The following LMNB2 variants were observed in gnomAD, a reference collection of about 807,000 sequenced individuals.
LMNB2 encodes lamin B2, also known as lamin-B2.
A neutral mutation model predicts 69.3 loss-of-function variants in LMNB2; 17 were observed. The ratio of observed to expected loss-of-function variants is 0.25; its 90% confidence interval spans 0.17 to 0.37. LMNB2 has a LOEUF of 0.37. Among genes scored for constraint, LMNB2 ranks in the 10% least tolerant of loss-of-function variants. LMNB2 has a pLI of 1.00. For synonymous variants in LMNB2, 397 were observed against 389.3 expected (o/e 1.02, Z -0.23); for missense variants, 789 against 883.6 (o/e 0.89, Z 1.36).
In LMNB2 at chr19:2,430,542, G is replaced by A. The variant is rs551748581; in HGVS notation, c.*369C>T. ...AAACCCACCACCACTGAATTCCTAC[G>A]CAGTTTCCGCGCTCCGTCCGCAGCA... On this transcript the variant is annotated 3_prime_UTR_variant, in exon 12 of 12. Transcript: ENST00000325327. 9 of 360,244 alleles carry A rather than the reference G, an allele frequency of 2.5e-5. No individual in the cohort carries two copies. The highest frequency in any genetic ancestry group is 6.7e-5 in the East Asian group (1 of 14,850). The allele number at this position is 360,244 out of a possible 1,614,324, so 22.3% of individuals were successfully genotyped here. A position where few individuals can be genotyped will look rare whatever the true frequency, so the allele number is the denominator to read the frequency against.
intron 2 of LMNB2, 50 bp from the exon 3 acceptor site, chr19:2,438,581 C>T (rs1273783905): frequency 1.3e-6 from 2 of 1,590,240 alleles, no homozygotes; most frequent in East Asian, 4.5e-5. Context: ...TCCATGGGGC[C>T]ACAGGGAGCA....
At chr19:2,444,860 C>T (rs190671485) in intron 1 of LMNB2, among the ~76,000 whole-genome samples, 5 of 152,326 alleles carry the variant, frequency 3.3e-5, no homozygotes, top group Non-Finnish European at 5.9e-5. Context: ...AGAACAGCGG[C>T]GCCCAGTGCT....
Position 2,435,008 on chromosome 19 carries a change from T to C in LMNB2, c.848A>G (p.Gln283Arg). The C allele has an allele frequency of 1.3e-6, 2 of 1,521,430 alleles. No homozygotes were observed. The highest frequency in any genetic ancestry group is 1.8e-6 in the Non-Finnish European group (2 of 1,123,974). 94.2% of individuals were successfully genotyped at this position (1,521,430 alleles called of 1,614,324 possible). The change falls in exon 5 of 12, where the codon CAG (glutamine) becomes CGG (arginine). Residue 283 changes from glutamine (Q) to arginine (R), a missense_variant. By Grantham distance (43) the Gln-to-Arg change is conservative. This residue lies in a region of LMNB2 where 609 missense variants were observed against 630.9 expected (regional missense o/e 0.97). Coordinates refer to ENST00000325327, the MANE Select transcript of LMNB2 (RefSeq NM_032737.4). ...CCCGCCTGCCGGCCACACCTTGGCC[T>C]GGTAGGTCTGCTCCAGCTCCAGCTT... ...LYKLELEQTY[Q>R]AKLDSAKLSS...
chr19:2,436,603 ACCCACCTGCACTGCCGCCCT>A (rs1181231561), intron 4 of LMNB2, among the ~76,000 whole-genome samples: 1 of 116,016 alleles, frequency 8.6e-6, no homozygotes, highest in Non-Finnish European at 1.8e-5. Flanking sequence ...ACGGCCGCTC[ACCCACCTGCACTGCCGCCCT>A]CCCACCCCCA....
intron 4 of LMNB2, chr19:2,436,938 GTTCCT>G (rs1971833694): frequency 6.6e-6 from 1 of 152,336 alleles, no homozygotes; most frequent in African/African-American, 2.4e-5. Flanking sequence ...CCTGGGGCAC[GTTCCT>G]GGGCCCCCGC....
chr19:2,444,680 G>A (rs991865227), intron 1 of LMNB2, 140 bp from the exon 2 acceptor site: 3 of 1,123,658 alleles, frequency 2.7e-6, no homozygotes, highest in Non-Finnish European at 3.9e-6. Context: ...GGGGACACTG[G>A]GACACCCTGT....
chr19:2,434,837 C>T lies in LMNB2; in HGVS notation c.932G>A (p.Arg311His), dbSNP rs1372849024. The part of the protein sequence containing the change: ...SAAREELKEA[R>H]MRLESLSYQL... The stretch of plus-strand genomic sequence containing the variant: ...GTAGCTGAGGGACTCCAGGCGCATG[C>T]GGGCCTCCTTCAGCTCCTCGCGAGC... Residue 311 changes from arginine (R) to histidine (H), a missense_variant, in exon 6 of 12, where the codon CGC (arginine) becomes CAC (histidine). Arg to His is a conservative substitution (Grantham distance 29). Transcript: ENST00000325327. The T allele has an allele frequency of 2.4e-5, 38 of 1,608,536 alleles. No homozygotes were observed. The highest frequency in any genetic ancestry group is 3.1e-5 in the Non-Finnish European group (36 of 1,179,126).
In LMNB2 at chr19:2,430,949, C is replaced by T. The variant is rs768698595; in HGVS notation, c.1825G>A (p.Asp609Asn). Reference sequence around the variant, plus strand: ...CAGCCTCTTGAGGTGGTCCTCGGGTCCCCCTGCAGGAAGGAAGGAAGGAAG... The same window carrying T: ...CAGCCTCTTGAGGTGGTCCTCGGGTTCCCCTGCAGGAAGGAAGGAAGGAAG... ...GEEDLFHQQG[D>N]PRTTSRGCYV... The change falls in exon 12 of 12, where the codon GAC (aspartate) becomes AAC (asparagine). Residue 609 changes from aspartate (D) to asparagine (N), a missense_variant. Physicochemically the swap from Asp to Asn is conservative, Grantham distance 23. Around this residue, in one of 3 missense-constraint regions of LMNB2, gnomAD observed 609 missense variants for 630.9 expected, o/e 0.97. Coordinates refer to ENST00000325327, the MANE Select transcript of LMNB2 (RefSeq NM_032737.4). 1.2e-6 allele frequency: 2 copies of T among 1,609,038 alleles called. No homozygotes were observed. Among genetic ancestry groups the T allele is most frequent in the South Asian group, 1.1e-5 (1 of 90,944 alleles).
chr19:2,441,360 C>T (rs962656657), intron 2 of LMNB2, among the ~76,000 whole-genome samples: 24 of 152,216 alleles, frequency 1.6e-4, no homozygotes, highest in African/African-American at 5.3e-4. Context: ...TTTTGAGAGG[C>T]GTGAAGGCCA....
At chr19:2,446,753 C>T (rs1467898308) in intron 1 of LMNB2, among the ~76,000 whole-genome samples, 4 of 152,144 alleles carry the variant, frequency 2.6e-5, no homozygotes, top group African/African-American at 9.7e-5. Flanking sequence ...TCCAGGGGCT[C>T]CCCCAAGAGT....
chr19:2,430,877 G>C lies in LMNB2; in HGVS notation c.*34C>G. 1 of 1,397,820 alleles carries C rather than the reference G, an allele frequency of 7.2e-7. No homozygotes were observed. The highest frequency in any genetic ancestry group is 1.0e-6 in the Non-Finnish European group (1 of 982,594). The allele number at this position is 1,397,820 out of a possible 1,614,324, so 86.6% of individuals were successfully genotyped here. A position where few individuals can be genotyped will look rare whatever the true frequency, so the allele number is the denominator to read the frequency against. ...ATAAAAATAGTTTTCAGTGGCTCTG[G>C]GTAAAGAAAGGTGTGTGGATGAGGA... On this transcript the variant is annotated 3_prime_UTR_variant, in exon 12 of 12. Transcript: ENST00000325327.
intron 2 of LMNB2, among the ~76,000 whole-genome samples, chr19:2,441,080 A>T (rs1168794457): frequency 2.6e-5 from 4 of 152,252 alleles, no homozygotes; most frequent in Non-Finnish European, 5.9e-5. Flanking sequence ...TGCCAGAGCG[A>T]TGGTCGGACA....
rs1287585926 is a variant in LMNB2, at chr19:2,434,410, T to C, written c.1087A>G (p.Met363Val). The C allele has an allele frequency of 6.2e-7, 1 of 1,613,292 alleles. No homozygotes were observed. Among genetic ancestry groups the C allele is most frequent in the Non-Finnish European group, 8.5e-7 (1 of 1,179,998 alleles). The change falls in exon 7 of 12, where the codon ATG (methionine) becomes GTG (valine). Residue 363 changes from methionine (M) to valine (V), a missense_variant. By Grantham distance (21) the Met-to-Val change is conservative. Around this residue, in one of 3 missense-constraint regions of LMNB2, gnomAD observed 609 missense variants for 630.9 expected, o/e 0.97. Transcript: ENST00000325327. ...AGCTGCTGCTGCATCACGTCCCGCA[T>C]CTCCGTCATCTCCTGCTCCTTGGCG... ...LDAKEQEMTEMRDVMQQQLAE... is the reference protein window; with the variant it reads ...LDAKEQEMTEVRDVMQQQLAE...
rs959544732 is a variant in LMNB2 at position 2,443,778 on chromosome 19, G to A, written c.401+626C>T. On this transcript the variant is annotated intron_variant, in intron 2 of 11. Transcript: ENST00000325327. The surrounding 1 kb of genome is among the most constrained non-coding windows in gnomAD (Gnocchi z 6.2). ...AATAAATATTCCTTTTGTCATCATC[G>A]TTCTGTTTAAATTGCCGCCCAACCA... 3.9e-5 allele frequency among the ~76,000 whole-genome samples: 6 copies of A among 152,124 alleles called. No individual in the cohort carries two copies. The highest frequency in any genetic ancestry group is 2.6e-4 in the Admixed American group (4 of 15,272).
intron 1 of LMNB2, among the ~76,000 whole-genome samples, chr19:2,450,121 C>CACATATATATATAT (rs1555684456): frequency 2.1e-5 from 3 of 142,366 alleles, no homozygotes; most frequent in African/African-American, 7.9e-5. Context: ...TATATATACA[C>CACATATATATATAT]ATATATATAT....
At chr19:2,456,048 C>T (rs1419049740) in intron 1 of LMNB2, among the ~76,000 whole-genome samples, 1 of 148,928 alleles carries the variant, frequency 6.7e-6, no homozygotes, top group Non-Finnish European at 1.5e-5. Context: ...AGGAGCCCCC[C>T]GCAAACCCCC....
At chr19:2,444,667 C>T in intron 1 of LMNB2, 127 bp from the exon 2 acceptor site, 1 of 1,235,618 alleles carries the variant, frequency 8.1e-7, no homozygotes, top group Non-Finnish European at 1.2e-6. Flanking sequence ...AGGATGGCAG[C>T]CTGGGGACAC....
chr19:2,456,911 C>T lies in LMNB2; in HGVS notation c.23G>A (p.Arg8His), dbSNP rs942561547. 10 of 1,002,576 alleles carry T rather than the reference C, an allele frequency of 1.0e-5. No homozygotes were observed. Among genetic ancestry groups the T allele is most frequent in the African/African-American group, 3.5e-5 (2 of 56,934 alleles). The allele number at this position is 1,002,576 out of a possible 1,614,324, so 62.1% of individuals were successfully genotyped here. A position where few individuals can be genotyped will look rare whatever the true frequency, so the allele number is the denominator to read the frequency against. ...TCGCGGCCTGCGCTGCTCCCGACGG[C>T]GGCCCGGGCTCGGCGGGCTCATTCA... is the stretch of plus-strand genomic sequence containing the variant. MSPPSPG[R>H]RREQRRPRAA... Residue 8 changes from arginine (R) to histidine (H), a missense_variant, in exon 1 of 12, where the codon CGC (arginine) becomes CAC (histidine). Transcript: ENST00000325327.
At position 2,430,541 on chromosome 19, in the gene LMNB2, C is replaced by T. The variant is rs1439069869; in HGVS notation, c.*370G>A. 3.0e-5 allele frequency: 11 copies of T among 361,808 alleles called. No individual in the cohort carries two copies. The highest frequency in any genetic ancestry group is 4.7e-5 in the South Asian group (2 of 42,156). The allele number at this position is 361,808 out of a possible 1,614,324, so 22.4% of individuals were successfully genotyped here. On this transcript the variant is annotated 3_prime_UTR_variant, in exon 12 of 12. Transcript: ENST00000325327. ...AAAACCCACCACCACTGAATTCCTA[C>T]GCAGTTTCCGCGCTCCGTCCGCAGC...
Sources: gnomAD v4.1 joint callset for allele counts (sites outside exome capture counted in the v4.1 genomes callset) on GRCh38, gnomAD v4.1.1 for gene constraint, gnomAD v4.1.1 regional missense constraint, Gnocchi (gnomAD v3.1) non-coding constraint, MANE v1.5 for transcripts, NCBI Gene and HGNC (gene_info 2026-07-23, HGNC 2026-07-21) for gene names.